FAM227B: variants seen among roughly 807,000 people sequenced by gnomAD.
FAM227B encodes family with sequence similarity 227 member B.
Under a neutral mutation model 73.8 loss-of-function variants are expected in FAM227B, and 88 were observed. That is an observed-to-expected ratio of 1.19 (90% CI 1.00 to 1.42). FAM227B has a LOEUF of 1.42. FAM227B is among the 40% of genes most tolerant of loss of function. The pLI is 0.00. For missense variants in FAM227B, 632 were observed against 590.9 expected (o/e 1.07, Z -0.72); for synonymous variants, 210 against 190.5 (o/e 1.10, Z -0.84).
rs191704777 is a variant in FAM227B at position 49,586,558 on chromosome 15, G to A, written c.405+1458C>T. On this transcript the variant is annotated intron_variant, in intron 5 of 15. Transcript: ENST00000299338. ...ACAAATAGGATCCAATTGAACTAAA[G>A]AGCTTCTGCATAGCAAAATAAACTA... Among the ~76,000 whole-genome samples, 27 of 152,210 alleles carry A rather than the reference G, an allele frequency of 1.8e-4. No individual in the cohort carries two copies. The East Asian group carries it at 4.8e-3, about 27-fold the overall frequency.
intron 11 of FAM227B, among the ~76,000 whole-genome samples, chr15:49,441,576 A>G (rs1382344334): frequency 1.3e-5 from 2 of 151,610 alleles, no homozygotes; most frequent in Non-Finnish European, 3.0e-5. Context: ...TTCCATATAT[A>G]GAGAGAAAAG....
chr15:49,357,462 T>C (rs375489594), intron 13 of FAM227B, among the ~76,000 whole-genome samples: 3 of 151,906 alleles, frequency 2.0e-5, no homozygotes, highest in Non-Finnish European at 4.4e-5. Flanking sequence ...AACACCTCTA[T>C]GCAAATAAAC....
At chr15:49,366,658 A>G (rs2045248870) in intron 13 of FAM227B, 7 of 1,547,240 alleles carry the variant, frequency 4.5e-6, no homozygotes, top group South Asian at 1.1e-5. Flanking sequence ...CGGCCGTGGC[A>G]GGGGACAGCC....
intron 5 of FAM227B, among the ~76,000 whole-genome samples, chr15:49,587,320 G>C (rs149922152): frequency 6.6e-6 from 1 of 152,004 alleles, no homozygotes; most frequent in Admixed American, 6.6e-5. Flanking sequence ...ACAGACACTG[G>C]GGCCTATTGA....
intron 10 of FAM227B, among the ~76,000 whole-genome samples, chr15:49,510,639 G>A (rs1874615): frequency 0.33 from 49,750 of 151,818 alleles, 8,921 homozygotes; most frequent in African/African-American, 0.46. Flanking sequence ...CCCTTCACCA[G>A]TATTTTGGAG....
At chr15:49,512,326 T>C (rs1410227714) in intron 10 of FAM227B, among the ~76,000 whole-genome samples, 3 of 152,158 alleles carry the variant, frequency 2.0e-5, no homozygotes, top group Non-Finnish European at 1.5e-5. Flanking sequence ...ATTGTAGTGT[T>C]CTATATGTAT....
chr15:49,351,585 C>T (rs367610477), intron 13 of FAM227B, among the ~76,000 whole-genome samples: 24 of 152,306 alleles, frequency 1.6e-4, no homozygotes, highest in Middle Eastern at 3.4e-3. Flanking sequence ...ACACATACAC[C>T]GTCCCAAGTT....
At position 49,476,232 on chromosome 15, in the gene FAM227B, G is replaced by GTTTTTTTTTTTTTTTTTTTTT; in HGVS notation, c.1012+31978_1012+31979insAAAAAAAAAAAAAAAAAAAAA. On this transcript the variant is annotated intron_variant, in intron 11 of 15. Transcript: ENST00000299338. ...TTGCTGTTTTGTTTTTTTGTTTTTGGTTTTTTTTTTTTTGCATTTGGCATA... is the reference window on the plus strand; with the variant it reads ...TTGCTGTTTTGTTTTTTTGTTTTTGGTTTTTTTTTTTTTTTTTTTTTTTTTTTTTTTTTTGCATTTGGCATA... Among the ~76,000 whole-genome samples the GTTTTTTTTTTTTTTTTTTTTT allele has an allele frequency of 6.3e-4, 36 of 57,440 alleles. 3 individuals carry two copies. Among genetic ancestry groups the GTTTTTTTTTTTTTTTTTTTTT allele is most frequent in the East Asian group, 1.4e-3 (3 of 2,222 alleles). 37.7% of individuals were successfully genotyped at this position (57,440 alleles called of 152,430 possible).
chr15:49,500,863 A>T (rs1279008581), intron 11 of FAM227B, among the ~76,000 whole-genome samples: 3 of 152,078 alleles, frequency 2.0e-5, no homozygotes, highest in Non-Finnish European at 4.4e-5. Context: ...CTGAGTTCAT[A>T]TGAGGTCTGC....
Sources: gnomAD v4.1 joint callset for allele counts (sites outside exome capture counted in the v4.1 genomes callset) on GRCh38, gnomAD v4.1.1 for gene constraint, MANE v1.5 for transcripts, NCBI Gene and HGNC (gene_info 2026-07-23, HGNC 2026-07-21) for gene names.